ACOX2: variants seen among roughly 807,000 people sequenced by gnomAD.
The protein encoded by ACOX2 is peroxisomal acyl-coenzyme A oxidase 2.
In ACOX2, 59 loss-of-function variants were observed where a neutral mutation model predicts 77.5. The ratio of observed to expected loss-of-function variants is 0.76; its 90% CI spans 0.62 to 0.95. ACOX2 has a LOEUF of 0.95. Ranked by LOEUF, ACOX2 falls within the 40% of genes least tolerant of loss-of-function variation. ACOX2 has a pLI of 0.00. For synonymous variants in ACOX2, 317 were observed against 340.1 expected, an observed-to-expected ratio of 0.93 and a Z score of 0.75; for missense variants, 837 against 880.4, an observed-to-expected ratio of 0.95 and a Z score of 0.62.
rs958542198 is a variant in ACOX2 at position 58,521,754 on chromosome 3, C to T, written c.1632+742G>A. 1.3e-5 allele frequency among the ~76,000 whole-genome samples: 2 copies of T among 152,212 alleles called. No homozygotes were observed. Among genetic ancestry groups the T allele is most frequent in the Non-Finnish European group, 2.9e-5 (2 of 68,042 alleles). On this transcript the variant is annotated intron_variant, in intron 12 of 14. Coordinates refer to ENST00000302819, the MANE Select transcript of ACOX2 (RefSeq NM_003500.4). This position sits in a 1 kb window ranked among gnomAD's most constrained non-coding sequence, Gnocchi z 4.8. ...AGAGGCCTTGCCTGTCTCTCCTTCT[C>T]CCCTAGTCTCAGTCCTTCTCCTTAG...
rs907868459 is a variant in ACOX2, at chr3:58,514,272, C to G, written c.1850+2934G>C. Among the ~76,000 whole-genome samples, 13 of 152,198 alleles carry G rather than the reference C, an allele frequency of 8.5e-5. No individual in the cohort carries two copies. The highest frequency in any genetic ancestry group is 2.7e-4 in the African/African-American group (11 of 41,454). ...CCTGGACAACACAGAGACAACATCTCTTTCTCTTTGTGGGTTTATGCCTTT... is the reference window on the plus strand; with the variant it reads ...CCTGGACAACACAGAGACAACATCTGTTTCTCTTTGTGGGTTTATGCCTTT... On this transcript the variant is annotated intron_variant, in intron 13 of 14. Coordinates refer to ENST00000302819, the MANE Select transcript of ACOX2 (RefSeq NM_003500.4). This position sits in a 1 kb window ranked among gnomAD's most constrained non-coding sequence, Gnocchi z 4.3.
rs747031412 is a variant in ACOX2 at position 58,526,651 on chromosome 3, G to A, written c.1161C>T (p.His387=). 112 of 1,613,468 alleles carry A rather than the reference G, an allele frequency of 6.9e-5. No homozygotes were observed. Among genetic ancestry groups the A allele is most frequent in the Non-Finnish European group, 9.0e-5 (106 of 1,179,776 alleles). ...NQDFSFLPEL[H]ALSTGMKAMM... is the part of the protein sequence containing the mutation. ...TGGCCTTCATGCCCGTGCTCAGTGC[G>A]TGGAGCTGTGAGAACATGGAGGGGG... Residue 387 remains histidine (H), a synonymous_variant, in exon 10 of 15, where the codon CAC becomes CAT. Transcript: ENST00000302819. The surrounding 1 kb of genome is among the most constrained non-coding windows in gnomAD (Gnocchi z 4.3).
rs759099059 is a variant in ACOX2, at chr3:58,517,236, G to C, written c.1820C>G (p.Thr607Arg). ...CAGGCGGAGCAGGTCCAGGTAGGCT[G>C]TTCTTGCCATGTCCACTTGGGCACC... is the stretch of plus-strand genomic sequence containing the variant. ...LSGAQVDMAR[T>R]AYLDLLRLIR... The change falls in exon 13 of 15, where the codon ACA (threonine) becomes AGA (arginine). Residue 607 changes from threonine to arginine, a missense_variant. Coordinates refer to ENST00000302819, the MANE Select transcript of ACOX2 (RefSeq NM_003500.4). 7.4e-6 allele frequency: 12 copies of C among 1,614,018 alleles called. No individual in the cohort carries two copies. The African/African-American group carries it at 1.2e-4, about 16-fold the overall frequency.
At position 58,534,009 on chromosome 3, in the gene ACOX2, T is replaced by C. The variant is rs1191680926; in HGVS notation, c.460A>G (p.Thr154Ala). 1 of 1,613,472 alleles carries C rather than the reference T, an allele frequency of 6.2e-7. No homozygotes were observed. Among genetic ancestry groups the C allele is most frequent in the South Asian group, 1.1e-5 (1 of 91,060 alleles). ...NIQIIATYAQ[T>A]ELGHGTYLQG... Reference sequence around the variant, plus strand: ...CCTAGCTCACCATGTCCCAACTCTGTCTGTGCATACGTTGCGATGATCTGG... The same window carrying C: ...CCTAGCTCACCATGTCCCAACTCTGCCTGTGCATACGTTGCGATGATCTGG... Residue 154 changes from threonine (T) to alanine (A), a missense_variant, in exon 4 of 15, where the codon ACA becomes GCA. By Grantham distance (58) the Thr-to-Ala change is moderately conservative (BLOSUM62 0). Coordinates refer to ENST00000302819, the MANE Select transcript of ACOX2 (RefSeq NM_003500.4). The surrounding 1 kb of genome is among the most constrained non-coding windows in gnomAD (Gnocchi z 4.8).
intron 9 of ACOX2, among the ~76,000 whole-genome samples, chr3:58,527,536 GAA>G (rs71625626): frequency 7.4e-5 from 8 of 107,728 alleles, no homozygotes; most frequent in Admixed American, 9.1e-5. Context: ...ACTGTCTCAG[GAA>G]AAAAAAAAAA....
rs2063314489 is a variant in ACOX2, at chr3:58,515,299, G to C, written c.1850+1907C>G. ...GCCTCCCAAAGTGCTGGGATTGCAG[G>C]TATTAGCCACCGCGCCTGGCCTGAA... On this transcript the variant is annotated intron_variant, in intron 13 of 14. Coordinates refer to ENST00000302819, the MANE Select transcript of ACOX2 (RefSeq NM_003500.4). This position sits in a 1 kb window ranked among gnomAD's most constrained non-coding sequence, Gnocchi z 4.0. 6.6e-6 allele frequency among the ~76,000 whole-genome samples: 1 copy of C among 152,136 alleles called. No homozygotes were observed. Among genetic ancestry groups the C allele is most frequent in the South Asian group, 2.1e-4 (1 of 4,816 alleles).
In ACOX2 at chr3:58,515,309, C is replaced by T. The variant is rs2063314602; in HGVS notation, c.1850+1897G>A. On this transcript the variant is annotated intron_variant, in intron 13 of 14. Transcript: ENST00000302819. This position sits in a 1 kb window ranked among gnomAD's most constrained non-coding sequence, Gnocchi z 4.0. ...GTGCTGGGATTGCAGGTATTAGCCA[C>T]CGCGCCTGGCCTGAACAAACATTTT... Among the ~76,000 whole-genome samples, 1 of 152,192 alleles carries T rather than the reference C, an allele frequency of 6.6e-6. No homozygotes were observed. Among genetic ancestry groups the T allele is most frequent in the Admixed American group, 6.5e-5 (1 of 15,284 alleles).
Position 58,509,959 on chromosome 3 carries a change from T to C in ACOX2, c.1851-934A>G, listed in dbSNP as rs567385648. 1.2e-4 allele frequency among the ~76,000 whole-genome samples: 19 copies of C among 152,252 alleles called. No individual in the cohort carries two copies. The South Asian group carries it at 3.9e-3, about 32-fold the overall frequency. On this transcript the variant is annotated intron_variant, in intron 13 of 14. Transcript: ENST00000302819. ...CAGTATTTATCTGAATGTCAAAATATCTTGTTTATATTGCTGCTTGTTGAT... is the reference window on the plus strand; with the variant it reads ...CAGTATTTATCTGAATGTCAAAATACCTTGTTTATATTGCTGCTTGTTGAT...
rs1282960000 is a variant in ACOX2 at position 58,526,656 on chromosome 3, G to T, written c.1156C>A (p.Leu386Ile). The T allele has an allele frequency of 1.2e-6, 2 of 1,613,170 alleles. No homozygotes were observed. The highest frequency in any genetic ancestry group is 1.3e-5 in the African/African-American group (1 of 74,918). The change falls in exon 10 of 15, where the codon CTC becomes ATC. Residue 386 changes from leucine to isoleucine, a missense_variant and splice_region_variant. Transcript: ENST00000302819. The surrounding 1 kb of genome is among the most constrained non-coding windows in gnomAD (Gnocchi z 4.3). Reference protein sequence around the residue: ...LNQDFSFLPELHALSTGMKAM... With the variant: ...LNQDFSFLPEIHALSTGMKAM... Reference sequence around the variant, plus strand: ...TTCATGCCCGTGCTCAGTGCGTGGAGCTGTGAGAACATGGAGGGGGGTTGG... The same window carrying T: ...TTCATGCCCGTGCTCAGTGCGTGGATCTGTGAGAACATGGAGGGGGGTTGG...
rs1276530648 is a variant in ACOX2, at chr3:58,531,220, T to A, written c.819+31A>T. The A allele has an allele frequency of 2.5e-6, 4 of 1,596,202 alleles. No homozygotes were observed. The South Asian group carries it at 3.3e-5, about 13-fold the overall frequency. On this transcript the variant is annotated intron_variant, in intron 7 of 14. Transcript: ENST00000302819. The surrounding 1 kb of genome is among the most constrained non-coding windows in gnomAD (Gnocchi z 5.8). The stretch of plus-strand genomic sequence containing the variant: ...AAGCGCAGGTCCCCTCTCCAGGAAG[T>A]ACAAGTCCCCGGCCTCCCCAGATCT...
At position 58,514,418 on chromosome 3, in the gene ACOX2, C is replaced by A. The variant is rs2063308080; in HGVS notation, c.1850+2788G>T. ...CCCCCCAGCTGAGGTTTTATGACCG[C>A]TTAAACAACTAAAAACTGTTTGGGT... On this transcript the variant is annotated intron_variant, in intron 13 of 14. Transcript: ENST00000302819. This position sits in a 1 kb window ranked among gnomAD's most constrained non-coding sequence, Gnocchi z 4.3. Among the ~76,000 whole-genome samples, 1 of 152,168 alleles carries A rather than the reference C, an allele frequency of 6.6e-6. No individual in the cohort carries two copies. The highest frequency in any genetic ancestry group is 1.5e-5 in the Non-Finnish European group (1 of 68,024).
Position 58,516,016 on chromosome 3 carries a change from G to A in ACOX2, c.1850+1190C>T, listed in dbSNP as rs193051245. 5.7e-3 allele frequency among the ~76,000 whole-genome samples: 864 copies of A among 150,972 alleles called. 6 individuals are homozygous for A. The highest frequency in any genetic ancestry group is 9.4e-3 in the Non-Finnish European group (637 of 67,836). ...TGTTTTTATTTCTATTTTTTTCTAG[G>A]ACTCTGATCAGGTTGGGCTTTGGTT... On this transcript the variant is annotated intron_variant, in intron 13 of 14. Transcript: ENST00000302819.
chr3:58,508,193 T>C (rs1180137357), intron 14 of ACOX2, among the ~76,000 whole-genome samples: 2 of 152,248 alleles, frequency 1.3e-5, no homozygotes, highest in South Asian at 2.1e-4. Flanking sequence ...AGCATAGAGC[T>C]GCGAGCATAC....
chr3:58,522,432 C>T lies in ACOX2; in HGVS notation c.1632+64G>A. 6.5e-7 allele frequency: 1 copy of T among 1,527,846 alleles called. No individual in the cohort carries two copies. The highest frequency in any genetic ancestry group is 2.3e-5 in the East Asian group (1 of 44,294). The allele number at this position is 1,527,846 out of a possible 1,614,324, so 94.6% of individuals were successfully genotyped here. ...AATAATGGCAGAGCCCGGATTTTCC[C>T]AGCAGGGTAGCCTGCCTGGGAAGCA... is the stretch of plus-strand genomic sequence containing the variant. On this transcript the variant is annotated intron_variant, in intron 12 of 14. Transcript: ENST00000302819. The surrounding 1 kb of genome is among the most constrained non-coding windows in gnomAD (Gnocchi z 4.3).
At position 58,526,085 on chromosome 3, in the gene ACOX2, G is replaced by A. The variant is rs2063391827; in HGVS notation, c.1346+381C>T. Among the ~76,000 whole-genome samples the A allele has an allele frequency of 6.6e-6, 1 of 152,092 alleles. No individual in the cohort carries two copies. Among genetic ancestry groups the A allele is most frequent in the African/African-American group, 2.4e-5 (1 of 41,428 alleles). ...GAGAGCAGGATGGACGGGGAGGCAG[G>A]GGTCAGGTCACATGGACCTTGCAGG... On this transcript the variant is annotated intron_variant, in intron 10 of 14. Transcript: ENST00000302819. This position sits in a 1 kb window ranked among gnomAD's most constrained non-coding sequence, Gnocchi z 4.3.
chr3:58,518,440 A>G (rs1256091551), intron 12 of ACOX2, among the ~76,000 whole-genome samples: 1 of 152,188 alleles, frequency 6.6e-6, no homozygotes, highest in Non-Finnish European at 1.5e-5. Flanking sequence ...TTGACTCAGC[A>G]GGAGGCCTTC....
chr3:58,526,156 T>C lies in ACOX2; in HGVS notation c.1346+310A>G, dbSNP rs572273704. ...TTTTCCTATGAGCACTGGGAAGCCG[T>C]TGAAGAATTTCAAACCAGAGAAAGA... On this transcript the variant is annotated intron_variant, in intron 10 of 14. Transcript: ENST00000302819. The surrounding 1 kb of genome is among the most constrained non-coding windows in gnomAD (Gnocchi z 4.3). 6.6e-6 allele frequency among the ~76,000 whole-genome samples: 1 copy of C among 152,110 alleles called. No homozygotes were observed. The highest frequency in any genetic ancestry group is 6.5e-5 in the Admixed American group (1 of 15,284).
chr3:58,528,920 T>C lies in ACOX2; in HGVS notation c.1029A>G (p.Gln343=), dbSNP rs1374678395. 3 of 1,613,488 alleles carry C rather than the reference T, an allele frequency of 1.9e-6. No individual in the cohort carries two copies. Residue 343 remains glutamine, a synonymous_variant, in exon 9 of 15, where the codon CAA becomes CAG. Transcript: ENST00000302819. This position sits in a 1 kb window ranked among gnomAD's most constrained non-coding sequence, Gnocchi z 5.6. ...PEAKVLDYQT[Q]QQKLFPQLAI... Reference sequence around the variant, plus strand: ...CCAGCTGAGGAAAGAGTTTCTGCTGTTGTGTCTGGTAGTCCAGGACCTTTG... The same window carrying C: ...CCAGCTGAGGAAAGAGTTTCTGCTGCTGTGTCTGGTAGTCCAGGACCTTTG...
chr3:58,505,529 T>C lies in ACOX2; in HGVS notation c.1984-243A>G, dbSNP rs1490299357. On this transcript the variant is annotated intron_variant, in intron 14 of 14. Coordinates refer to ENST00000302819, the MANE Select transcript of ACOX2 (RefSeq NM_003500.4). The surrounding 1 kb of genome is among the most constrained non-coding windows in gnomAD (Gnocchi z 4.4). ...CAGGTGGCCAATTAAAAACACAGCT[T>C]ATCACTTGCTTTTGGAATTTCATAC... Among the ~76,000 whole-genome samples the C allele has an allele frequency of 1.1e-4, 16 of 152,216 alleles. No homozygotes were observed. The highest frequency in any genetic ancestry group is 9.2e-4 in the Admixed American group (14 of 15,282).
Sources: gnomAD v4.1 joint callset for allele counts (sites outside exome capture counted in the v4.1 genomes callset) on GRCh38, gnomAD v4.1.1 for gene constraint, Gnocchi (gnomAD v3.1) non-coding constraint, MANE v1.5 for transcripts, NCBI Gene and HGNC (gene_info 2026-07-23, HGNC 2026-07-21) for gene names.